The following GNB4 variants were observed in gnomAD, a reference collection of about 807,000 sequenced individuals.
The protein encoded by GNB4 is guanine nucleotide-binding protein subunit beta-4.
A neutral mutation model predicts 45.2 loss-of-function variants in GNB4; 28 were observed. That is an observed-to-expected ratio of 0.62 (90% CI 0.46 to 0.85). GNB4 has a LOEUF of 0.85. Among genes scored for constraint, GNB4 ranks in the 40% least tolerant of loss-of-function variants. GNB4 has a pLI of 0.00. For missense variants in GNB4, 321 were observed against 425.4 expected (o/e 0.75, Z 2.16); for synonymous variants, 132 against 143.7 (o/e 0.92, Z 0.58).
the GNB4 span, chr3:179,465,089 A>G: frequency 2.1e-6 from 3 of 1,450,180 alleles, no homozygotes; most frequent in South Asian, 3.4e-5. Context: ...TCTTGCAGAT[A>G]TTGTAATATC....
upstream of GNB4, among the ~76,000 whole-genome samples, chr3:179,456,106 AC>A (rs1185645548): frequency 3.6e-5 from 5 of 137,932 alleles, no homozygotes; most frequent in Admixed American, 1.5e-4. Flanking sequence ...AGGGACATAG[AC>A]TTTTTTTTTT....
intron 2 of GNB4, among the ~76,000 whole-genome samples, chr3:179,421,429 C>T (rs912650053): frequency 7.2e-5 from 11 of 152,040 alleles, no homozygotes; most frequent in African/African-American, 2.7e-4. Flanking sequence ...TTACACCAAA[C>T]ATCAGTTTTT....
At chr3:179,463,368 T>C in the GNB4 span, among the ~76,000 whole-genome samples, 1 of 152,228 alleles carries the variant, frequency 6.6e-6, no homozygotes, top group African/African-American at 2.4e-5. Flanking sequence ...CTTTCTGAAA[T>C]AAATTTGCCA....
chr3:179,418,470 C>CAAAAAAAA (rs386356535), intron 4 of GNB4, among the ~76,000 whole-genome samples: 101 of 95,306 alleles, frequency 1.1e-3, no homozygotes, highest in Middle Eastern at 5.7e-3. Flanking sequence ...AACTCTGTCT[C>CAAAAAAAA]AAAAAAAAAA....
At chr3:179,427,879 T>A (rs1276085674) in intron 1 of GNB4, among the ~76,000 whole-genome samples, 4 of 152,186 alleles carry the variant, frequency 2.6e-5, no homozygotes, top group Non-Finnish European at 5.9e-5. Flanking sequence ...TCTCTTCTTA[T>A]CTTCCTTGGT....
In GNB4 at chr3:179,397,534, T is replaced by C. The variant is rs536037818; in HGVS notation, c.*3679A>G. The C allele has an allele frequency of 2.6e-4, 40 of 152,702 alleles. No homozygotes were observed. Among genetic ancestry groups the C allele is most frequent in the African/African-American group, 9.4e-4 (39 of 41,556 alleles). 9.5% of individuals were successfully genotyped at this position (152,702 alleles called of 1,614,324 possible). On this transcript the variant is annotated 3_prime_UTR_variant, in exon 10 of 10. Coordinates refer to ENST00000232564, the MANE Select transcript of GNB4 (RefSeq NM_021629.4). ...TCATATGAGTCTAAAATGAAGGGAA[T>C]TGCTGAACAGGCCCTTTTGCTGTTG...
At position 179,404,618 on chromosome 3, in the gene GNB4, C is replaced by T. The variant is rs560339664; in HGVS notation, c.916+572G>A. 2.6e-5 allele frequency among the ~76,000 whole-genome samples: 4 copies of T among 152,246 alleles called. No homozygotes were observed. In the East Asian group the frequency reaches 7.7e-4, roughly 29 times the overall value. Reference sequence around the variant, plus strand: ...CAGAAACTATGGGTTGGGGATGAAGCAACTGCTGTGTTTTGGTAACAAGCT... The same window carrying T: ...CAGAAACTATGGGTTGGGGATGAAGTAACTGCTGTGTTTTGGTAACAAGCT... On this transcript the variant is annotated intron_variant, in intron 9 of 9. Transcript: ENST00000232564.
chr3:179,426,293 T>C, intron 1 of GNB4, 51 bp from the exon 2 acceptor site: 6 of 922,132 alleles, frequency 6.5e-6, no homozygotes, highest in Non-Finnish European at 9.9e-6. Flanking sequence ...ACTTACATCT[T>C]AATCTGGTTT....
At chr3:179,451,004 A>C (rs1715856869) in intron 1 of GNB4, 1 of 152,318 alleles carries the variant, frequency 6.6e-6, no homozygotes, top group African/African-American at 2.4e-5. Flanking sequence ...TCCTGGAAGG[A>C]GGCCTCGGGG....
the GNB4 span, among the ~76,000 whole-genome samples, chr3:179,488,050 CA>C: frequency 0.1 from 14,254 of 142,544 alleles, 1,164 homozygotes; most frequent in African/African-American, 0.24. Context: ...GACTCTGTCT[CA>C]AAAAAAAAAA....
At chr3:179,481,297 T>C in the GNB4 span, among the ~76,000 whole-genome samples, 2 of 152,186 alleles carry the variant, frequency 1.3e-5, no homozygotes, top group African/African-American at 4.8e-5. Context: ...TCATTGCTAA[T>C]GAGCGCCTGG....
the GNB4 span, among the ~76,000 whole-genome samples, chr3:179,506,351 G>C: frequency 2.0e-5 from 3 of 151,880 alleles, no homozygotes; most frequent in African/African-American, 7.2e-5. Context: ...AAAAAGAAAA[G>C]AAAGGAAAAA....
At chr3:179,486,927 C>T in the GNB4 span, among the ~76,000 whole-genome samples, 3 of 152,178 alleles carry the variant, frequency 2.0e-5, no homozygotes, top group African/African-American at 7.2e-5. Context: ...TCGGGCCTCA[C>T]AAAATAATCG....
At chr3:179,508,252 G>T in the GNB4 span, among the ~76,000 whole-genome samples, 3 of 152,136 alleles carry the variant, frequency 2.0e-5, no homozygotes, top group Admixed American at 1.3e-4. Flanking sequence ...CTCCTAAAGT[G>T]CTGGGATTAC....
chr3:179,465,096 T>C, the GNB4 span: 1 of 1,439,108 alleles, frequency 6.9e-7, no homozygotes, highest in Non-Finnish European at 9.8e-7. Flanking sequence ...GATATTGTAA[T>C]ATCTGCTGCA....
chr3:179,436,020 G>A (rs1715436823), intron 1 of GNB4, among the ~76,000 whole-genome samples: 1 of 152,128 alleles, frequency 6.6e-6, no homozygotes, highest in Non-Finnish European at 1.5e-5. Context: ...AAAAATACAA[G>A]TATTTCTTAG....
chr3:179,419,269 T>A (rs1197400090), intron 4 of GNB4, 130 bp downstream of exon 4: 3 of 689,298 alleles, frequency 4.4e-6, no homozygotes, highest in Admixed American at 2.5e-5. Context: ...AGCATGTTCA[T>A]CTGAGATGCA....
rs1714133260 is a variant in GNB4, at chr3:179,396,797, A to ATGAAATAGGT, written c.*4415_*4416insACCTATTTCA. ...GTGCTAGCTTAGATATTCTACTATAAACCATTTCATTGAGTACCTATTATG... is the reference window on the plus strand; with the variant it reads ...GTGCTAGCTTAGATATTCTACTATAATGAAATAGGTACCATTTCATTGAGTACCTATTATG... On this transcript the variant is annotated 3_prime_UTR_variant, in exon 10 of 10. Coordinates refer to ENST00000232564, the MANE Select transcript of GNB4 (RefSeq NM_021629.4). 1 of 152,238 alleles carries ATGAAATAGGT rather than the reference A, an allele frequency of 6.6e-6. No individual in the cohort carries two copies. Among genetic ancestry groups the ATGAAATAGGT allele is most frequent in the Non-Finnish European group, 1.5e-5 (1 of 68,032 alleles). The allele number at this position is 152,238 out of a possible 1,614,324, so 9.4% of individuals were successfully genotyped here. A position where few individuals can be genotyped will look rare whatever the true frequency, so the allele number is the denominator to read the frequency against.
chr3:179,496,105 A>G, the GNB4 span, among the ~76,000 whole-genome samples: 1 of 152,350 alleles, frequency 6.6e-6, no homozygotes, highest in Admixed American at 6.5e-5. Flanking sequence ...GTACAAAGAC[A>G]AAAGTATTTA....
Sources: allele counts gnomAD v4.1 joint callset (sites outside exome capture counted in the v4.1 genomes callset), GRCh38; gene constraint gnomAD v4.1.1; transcripts MANE v1.5; gene names NCBI Gene and HGNC (gene_info 2026-07-23, HGNC 2026-07-21).